The following H6PD variants were observed in gnomAD, a reference collection of about 807,000 sequenced individuals.
The protein encoded by H6PD is GDH/6PGL endoplasmic bifunctional protein.
Under a neutral mutation model 61.2 loss-of-function variants are expected in H6PD, and 48 were observed. The observed-to-expected ratio is 0.78, with a 90% CI of 0.62 to 1.00. The LOEUF (loss-of-function observed/expected upper bound fraction) is 1.00, where lower values mean the gene tolerates loss of function less well. H6PD is among the 50% of genes least tolerant of loss of function. The pLI, the probability that H6PD is intolerant of heterozygous loss-of-function variation, is 0.00. For synonymous variants in H6PD, 480 were observed against 457.9 expected (o/e 1.05, Z -0.62); for missense variants, 1,093 against 1,065.0 (o/e 1.03, Z -0.37).
Position 9,267,328 on chromosome 1 carries a change from T to G in H6PD, c.*2459T>G, listed in dbSNP as rs1294015. The stretch of plus-strand genomic sequence containing the variant: ...CGCACTGCCGCCTCCTGACTGCCCC[T>G]ATCCCCGCAGCCCCTGTGCCGGATT... On this transcript the variant is annotated 3_prime_UTR_variant, in exon 5 of 5. Transcript: ENST00000377403. The G allele has an allele frequency of 0.68, 103,807 of 152,342 alleles. 36,145 individuals carry two copies. The highest frequency in any genetic ancestry group is 0.83 in the African/African-American group (34,282 of 41,480). The allele number at this position is 152,342 out of a possible 1,614,324, so 9.4% of individuals were successfully genotyped here.
chr1:9,256,320 C>A (rs560666436), intron 3 of H6PD, among the ~76,000 whole-genome samples: 1 of 152,330 alleles, frequency 6.6e-6, no homozygotes, highest in South Asian at 2.1e-4. Context: ...GCTGGACTTC[C>A]TGCTCATTTC....
At chr1:9,250,558 C>G (rs1203859832) in intron 3 of H6PD, among the ~76,000 whole-genome samples, 1 of 151,996 alleles carries the variant, frequency 6.6e-6, no homozygotes, top group Non-Finnish European at 1.5e-5. Context: ...GCCATTCTCC[C>G]TCACTCCCTA....
At position 9,270,465 on chromosome 1, in the gene H6PD, C is replaced by G. The variant is rs1638711919; in HGVS notation, c.*5596C>G. ...GGAAGGACCTGTATTAGCTGGAAAT[C>G]ATCAGGAACCCAGCTTGCCTCCATC... is the stretch of plus-strand genomic sequence containing the variant. On this transcript the variant is annotated 3_prime_UTR_variant, in exon 5 of 5. Coordinates refer to ENST00000377403, the MANE Select transcript of H6PD (RefSeq NM_004285.4). 1 of 152,250 alleles carries G rather than the reference C, an allele frequency of 6.6e-6. No homozygotes were observed. The highest frequency in any genetic ancestry group is 2.4e-5 in the African/African-American group (1 of 41,464). 9.4% of individuals were successfully genotyped at this position (152,250 alleles called of 1,614,324 possible).
intron 3 of H6PD, among the ~76,000 whole-genome samples, chr1:9,248,995 G>A (rs2100342523): frequency 6.6e-6 from 1 of 152,356 alleles, no homozygotes; most frequent in Middle Eastern, 3.4e-3. Context: ...AGCTGCACCT[G>A]GTGCAGAGAG....
Position 9,262,176 on chromosome 1 carries a change from C to T in H6PD, c.863C>T (p.Ala288Val). 1.9e-6 allele frequency: 3 copies of T among 1,614,252 alleles called. No individual in the cohort carries two copies. The highest frequency in any genetic ancestry group is 2.5e-6 in the Non-Finnish European group (3 of 1,180,050). Residue 288 changes from alanine to valine, a missense_variant, in exon 4 of 5, where the codon GCT becomes GTT. By Grantham distance (64) the Ala-to-Val change is moderately conservative. Coordinates refer to ENST00000377403, the MANE Select transcript of H6PD (RefSeq NM_004285.4). ...CCCCACAATGTCAGCAGTGCGGAGG[C>T]TGTGCTGCGGCACAAGCTTCAGGTC... ...ELPHNVSSAE[A>V]VLRHKLQVFQ...
rs146140281 is a variant in H6PD, at chr1:9,245,443, T to C, written c.509T>C (p.Val170Ala). The change falls in exon 2 of 5, where the codon GTT becomes GCT. Residue 170 changes from valine to alanine, a missense_variant. By Grantham distance (64) the Val-to-Ala change is moderately conservative. Coordinates refer to ENST00000377403, the MANE Select transcript of H6PD (RefSeq NM_004285.4). The surrounding 1 kb of genome is among the most constrained non-coding windows in gnomAD (Gnocchi z 4.8). ...CRPGPGAWLR[V>A]VLEKPFGHDH... ...CCAGGCCCGGGCGCCTGGCTGCGGG[T>C]TGTCCTTGAGAAACCCTTTGGCCAT... 6.2e-7 allele frequency: 1 copy of C among 1,614,066 alleles called. No homozygotes were observed.
chr1:9,258,168 T>G (rs1446024279), intron 3 of H6PD, among the ~76,000 whole-genome samples: 4 of 152,244 alleles, frequency 2.6e-5, no homozygotes, highest in African/African-American at 7.2e-5. Context: ...TATGCTGGTG[T>G]TGTTACGTTG....
chr1:9,262,183 G>A lies in H6PD; in HGVS notation c.870G>A (p.Leu290=). 1.2e-6 allele frequency: 2 copies of A among 1,614,216 alleles called. No individual in the cohort carries two copies. The highest frequency in any genetic ancestry group is 1.7e-6 in the Non-Finnish European group (2 of 1,180,036). The change falls in exon 4 of 5, where the codon CTG becomes CTA. Residue 290 remains leucine (L), a synonymous_variant. Transcript: ENST00000377403. ...ATGTCAGCAGTGCGGAGGCTGTGCT[G>A]CGGCACAAGCTTCAGGTCTTCCAGG... ...PHNVSSAEAV[L]RHKLQVFQAL... is the part of the protein sequence containing the mutation.
intron 1 of H6PD, among the ~76,000 whole-genome samples, chr1:9,236,102 C>G (rs1433055805): frequency 6.6e-6 from 1 of 152,162 alleles, no homozygotes; most frequent in Non-Finnish European, 1.5e-5. Context: ...GATTCTTCCA[C>G]CTCAGCCTCC....
chr1:9,239,713 C>T, intron 1 of H6PD: 1 of 351,762 alleles, frequency 2.8e-6, no homozygotes, highest in Non-Finnish European at 5.1e-6. Flanking sequence ...CTGCCTGGCG[C>T]ACAGAAGGTA....
intron 1 of H6PD, among the ~76,000 whole-genome samples, chr1:9,244,436 G>A (rs1641097589): frequency 6.6e-6 from 1 of 152,292 alleles, no homozygotes; most frequent in East Asian, 1.9e-4. Flanking sequence ...TTGGTAGTTG[G>A]AGCCCAGTGG....
chr1:9,245,518 A>C lies in H6PD; in HGVS notation c.584A>C (p.Gln195Pro). ...GCCACAGAACTCGGGACCTTTTTCCAGGAGGAGGAGATGTACCGGGTGGAC... is the reference window on the plus strand; with the variant it reads ...GCCACAGAACTCGGGACCTTTTTCCCGGAGGAGGAGATGTACCGGGTGGAC... Reference protein sequence around the residue: ...QLATELGTFFQEEEMYRVDHY... With the variant: ...QLATELGTFFPEEEMYRVDHY... Residue 195 changes from glutamine (Q) to proline (P), a missense_variant, in exon 2 of 5, where the codon CAG becomes CCG. Transcript: ENST00000377403. This position sits in a 1 kb window ranked among gnomAD's most constrained non-coding sequence, Gnocchi z 4.8. 1 of 1,614,030 alleles carries C rather than the reference A, an allele frequency of 6.2e-7. No homozygotes were observed. Among genetic ancestry groups the C allele is most frequent in the South Asian group, 1.1e-5 (1 of 91,086 alleles).
intron 3 of H6PD, among the ~76,000 whole-genome samples, chr1:9,258,701 TTA>T (rs1482041860): frequency 1.3e-5 from 2 of 152,140 alleles, no homozygotes; most frequent in Admixed American, 1.3e-4. Flanking sequence ...TACACCAGTG[TTA>T]TGTTGTTGTT....
chr1:9,257,429 G>A (rs1040063241), intron 3 of H6PD, among the ~76,000 whole-genome samples: 3 of 152,202 alleles, frequency 2.0e-5, no homozygotes, highest in Non-Finnish European at 4.4e-5. Flanking sequence ...GAGCCAGTCC[G>A]CCTGGCCTAT....
At chr1:9,251,899 T>A (rs1307450219) in intron 3 of H6PD, among the ~76,000 whole-genome samples, 2 of 151,750 alleles carry the variant, frequency 1.3e-5, no homozygotes, top group Non-Finnish European at 2.9e-5. Flanking sequence ...TTTTAATCTA[T>A]TTTTGTTGAG....
At chr1:9,255,862 G>C (rs1641501123) in intron 3 of H6PD, among the ~76,000 whole-genome samples, 1 of 152,150 alleles carries the variant, frequency 6.6e-6, no homozygotes, top group Non-Finnish European at 1.5e-5. Context: ...AGCTCAGCCG[G>C]CTTCTTCATT....
At chr1:9,259,809 A>T (rs540504714) in intron 3 of H6PD, among the ~76,000 whole-genome samples, 1 of 139,110 alleles carries the variant, frequency 7.2e-6, no homozygotes, top group African/African-American at 2.5e-5. Context: ...TGCTGTTGTT[A>T]CGGTGGTGTT....
chr1:9,245,366 G>A lies in H6PD; in HGVS notation c.432G>A (p.Val144=), dbSNP rs1641137347. The A allele has an allele frequency of 1.9e-6, 3 of 1,614,098 alleles. No individual in the cohort carries two copies. Among genetic ancestry groups the A allele is most frequent in the East Asian group, 4.5e-5 (2 of 44,882 alleles). The change falls in exon 2 of 5, where the codon GTG becomes GTA. Residue 144 remains valine (V), a synonymous_variant. Transcript: ENST00000377403. This position sits in a 1 kb window ranked among gnomAD's most constrained non-coding sequence, Gnocchi z 4.8. ...CTGGCAGGATCTTCTACTTCTCAGTGCCACCCTTCGCCTATGAAGACATTG... is the reference window on the plus strand; with the variant it reads ...CTGGCAGGATCTTCTACTTCTCAGTACCACCCTTCGCCTATGAAGACATTG... ...REAGRIFYFS[V]PPFAYEDIAR...
rs1638665125 is a variant in H6PD at position 9,269,081 on chromosome 1, C to CA, written c.*4213dup. On this transcript the variant is annotated 3_prime_UTR_variant, in exon 5 of 5. Coordinates refer to ENST00000377403, the MANE Select transcript of H6PD (RefSeq NM_004285.4). The surrounding 1 kb of genome is among the most constrained non-coding windows in gnomAD (Gnocchi z 4.3). ...AAACTGCCTGGCAGCATCTCAGTGT[C>CA]AGAGTGAGCACGGCACAGGAAAGGC... 6.6e-6 allele frequency: 1 copy of CA among 152,016 alleles called. No homozygotes were observed. Among genetic ancestry groups the CA allele is most frequent in the Admixed American group, 6.5e-5 (1 of 15,276 alleles). 9.4% of individuals were successfully genotyped at this position (152,016 alleles called of 1,614,324 possible).
Sources: gnomAD v4.1 joint callset for allele counts (sites outside exome capture counted in the v4.1 genomes callset) on GRCh38, gnomAD v4.1.1 for gene constraint, Gnocchi (gnomAD v3.1) non-coding constraint, MANE v1.5 for transcripts, NCBI Gene and HGNC (gene_info 2026-07-23, HGNC 2026-07-21) for gene names.